SSH2: variants seen among roughly 807,000 people sequenced by gnomAD.
SSH2 encodes the protein slingshot protein phosphatase 2, also known as protein phosphatase Slingshot homolog 2.
SSH2 carries 37 observed loss-of-function variants against 135.2 expected under a neutral mutation model. The ratio of observed to expected loss-of-function variants is 0.27; its 90% CI spans 0.21 to 0.36. SSH2 has a LOEUF of 0.36. Among genes scored for constraint, SSH2 ranks in the 10% least tolerant of loss-of-function variants. The pLI is 1.00. For missense variants in SSH2, 1,408 were observed against 1,765.3 expected (o/e 0.80, Z 3.63); for synonymous variants, 628 against 646.2 (o/e 0.97, Z 0.43).
At position 29,631,527 on chromosome 17, in the gene SSH2, T is replaced by C. The variant is rs774012156; in HGVS notation, c.3667A>G (p.Thr1223Ala). ...TCCATTTTCTCCTGTAACTCCCCAG[T>C]GTTGTCACCAAGTTTGCTAATTAAA... The part of the protein sequence containing the change: ...LSLISKLGDN[T>A]GELQEKMDPL... The change falls in exon 16 of 16, where the codon ACT becomes GCT. Residue 1223 changes from threonine to alanine, a missense_variant. Physicochemically the swap from Thr to Ala is moderately conservative, Grantham distance 58. Transcript: ENST00000540801. The C allele has an allele frequency of 6.2e-7, 1 of 1,614,136 alleles. No homozygotes were observed. Among genetic ancestry groups the C allele is most frequent in the Admixed American group, 1.7e-5 (1 of 60,016 alleles).
At chr17:29,767,650 C>CAG (rs2041479511) in intron 3 of SSH2, among the ~76,000 whole-genome samples, 1 of 151,360 alleles carries the variant, frequency 6.6e-6, no homozygotes, top group Non-Finnish European at 1.5e-5. Flanking sequence ...CACACACACA[C>CAG]AGAATTATAC....
intron 1 of SSH2, among the ~76,000 whole-genome samples, chr17:29,851,101 T>C (rs1471612948): frequency 6.6e-6 from 1 of 152,236 alleles, no homozygotes; most frequent in Non-Finnish European, 1.5e-5. Flanking sequence ...ACTCTCCATC[T>C]AGCTTAAAAA....
intron 3 of SSH2, chr17:29,716,471 C>T: frequency 1.4e-6 from 1 of 695,812 alleles, no homozygotes; most frequent in Non-Finnish European, 2.7e-6. Flanking sequence ...TACAACAATG[C>T]CAGCAGCATG....
chr17:29,630,936 G>A lies in SSH2; in HGVS notation c.4258C>T (p.Pro1420Ser). The A allele has an allele frequency of 1.2e-6, 2 of 1,609,502 alleles. No homozygotes were observed. The highest frequency in any genetic ancestry group is 8.5e-7 in the Non-Finnish European group (1 of 1,176,084). Residue 1420 changes from proline (P) to serine (S), a missense_variant, in exon 16 of 16, where the codon CCC becomes TCC. By Grantham distance (74) the Pro-to-Ser change is moderately conservative. Around this residue, in one of 3 missense-constraint regions of SSH2, gnomAD observed 1,080 missense variants for 1,144.5 expected, o/e 0.94. Coordinates refer to ENST00000540801, the MANE Select transcript of SSH2 (RefSeq NM_001282129.2). ...ACPAPGLAVA[P>S]RQQHGRTHPL... ...TGAGTTCTGCCGTGTTGCTGACGGG[G>A]TGCCACGGCCAGCCCTGGAGCTGGG...
chr17:29,894,980 C>T (rs1221065096), intron 1 of SSH2, among the ~76,000 whole-genome samples: 1 of 151,190 alleles, frequency 6.6e-6, no homozygotes, highest in African/African-American at 2.4e-5. Flanking sequence ...ACATAAGGCT[C>T]TTCATGATCT....
chr17:29,657,598 T>TTTTA (rs1209333582), intron 11 of SSH2, among the ~76,000 whole-genome samples: 1 of 147,244 alleles, frequency 6.8e-6, no homozygotes, highest in Non-Finnish European at 1.5e-5. Context: ...TTTTTTTTTT[T>TTTTA]AGAGACAGAG....
intron 8 of SSH2, chr17:29,674,235 G>T: frequency 2.2e-6 from 1 of 448,916 alleles, no homozygotes; most frequent in Non-Finnish European, 4.5e-6. Flanking sequence ...TTTTTATTAG[G>T]AAAACACATT....
intron 8 of SSH2, among the ~76,000 whole-genome samples, chr17:29,674,481 C>G (rs1257424963): frequency 6.6e-6 from 1 of 152,138 alleles, no homozygotes; most frequent in Non-Finnish European, 1.5e-5. Flanking sequence ...ACACTCAAGG[C>G]CTAGCCACCT....
intron 1 of SSH2, among the ~76,000 whole-genome samples, chr17:29,890,696 T>A (rs1322950214): frequency 6.6e-6 from 1 of 152,186 alleles, no homozygotes; most frequent in Non-Finnish European, 1.5e-5. Context: ...TTTCAAAAAC[T>A]GACTGTGGTG....
chr17:29,873,766 C>T (rs1055479481), intron 1 of SSH2, among the ~76,000 whole-genome samples: 5 of 152,132 alleles, frequency 3.3e-5, no homozygotes, highest in African/African-American at 1.2e-4. Context: ...GGGAAAGTTT[C>T]CTTCCATTTT....
intron 3 of SSH2, chr17:29,761,235 C>T (rs1021140667): frequency 7.8e-6 from 10 of 1,289,496 alleles, no homozygotes; most frequent in Admixed American, 6.9e-5. Flanking sequence ...CAGGTGCAAG[C>T]GAGGGGCGCC....
chr17:29,677,629 A>G, intron 7 of SSH2, 44 bp downstream of exon 7: 1 of 1,532,810 alleles, frequency 6.5e-7, no homozygotes, highest in Non-Finnish European at 9.0e-7. Context: ...ATGGAGCCCC[A>G]CCCCTTGGCT....
At chr17:29,746,348 C>T (rs2040759961) in intron 3 of SSH2, among the ~76,000 whole-genome samples, 1 of 151,708 alleles carries the variant, frequency 6.6e-6, no homozygotes, top group African/African-American at 2.4e-5. Context: ...GAGTTCAACA[C>T]CAGCTTTGCC....
At chr17:29,665,646 T>A (rs918647255) in intron 11 of SSH2, among the ~76,000 whole-genome samples, 1 of 152,216 alleles carries the variant, frequency 6.6e-6, no homozygotes, top group African/African-American at 2.4e-5. Context: ...TTGGTGAAAG[T>A]GTGTGGGAAG....
At position 29,746,172 on chromosome 17, in the gene SSH2, A is replaced by T. The variant is rs117496506; in HGVS notation, c.189-43110T>A. On this transcript the variant is annotated intron_variant, in intron 3 of 15. Coordinates refer to ENST00000540801, the MANE Select transcript of SSH2 (RefSeq NM_001282129.2). Reference sequence around the variant, plus strand: ...TTGTTTGAATCCATTTATTTCACTCATCTCTTAGGAAGAGAGATTTACATT... The same window carrying T: ...TTGTTTGAATCCATTTATTTCACTCTTCTCTTAGGAAGAGAGATTTACATT... Among the ~76,000 whole-genome samples the T allele has an allele frequency of 2.4e-3, 372 of 152,220 alleles. 2 individuals carry two copies. The highest frequency in any genetic ancestry group is 6.8e-3 in the Middle Eastern group (2 of 294).
chr17:29,825,750 T>A (rs1177930927), intron 2 of SSH2, among the ~76,000 whole-genome samples: 1 of 152,178 alleles, frequency 6.6e-6, no homozygotes, highest in African/African-American at 2.4e-5. Context: ...CCTGCCCACA[T>A]AAGAGGAATT....
At chr17:29,741,934 CTTTTT>C (rs71138848) in intron 3 of SSH2, among the ~76,000 whole-genome samples, 2 of 97,910 alleles carry the variant, frequency 2.0e-5, no homozygotes, top group Non-Finnish European at 2.0e-5. Context: ...ATTTTTTTTT[CTTTTT>C]TTTTTTTTTT....
intron 1 of SSH2, among the ~76,000 whole-genome samples, chr17:29,876,009 T>C (rs1476907039): frequency 7.3e-6 from 1 of 137,650 alleles, no homozygotes; most frequent in Non-Finnish European, 1.6e-5. Context: ...AAAGGAAAGA[T>C]ATTCCATGTT....
At chr17:29,696,333 C>T in intron 4 of SSH2, among the ~76,000 whole-genome samples, 1 of 147,814 alleles carries the variant, frequency 6.8e-6, no homozygotes. Flanking sequence ...TACATATATA[C>T]ACATATGTGT....
Sources: gnomAD v4.1 joint callset for allele counts (sites outside exome capture counted in the v4.1 genomes callset) on GRCh38, gnomAD v4.1.1 for gene constraint, gnomAD v4.1.1 regional missense constraint, MANE v1.5 for transcripts, NCBI Gene and HGNC (gene_info 2026-07-23, HGNC 2026-07-21) for gene names.